The following GRIK2 variants were observed in gnomAD, a reference collection of about 807,000 sequenced individuals.
GRIK2 encodes the protein glutamate ionotropic receptor kainate type subunit 2.
In GRIK2, 32 loss-of-function variants were observed where a neutral mutation model predicts 100.3. That is an observed-to-expected ratio of 0.32 (90% CI 0.24 to 0.43). GRIK2 has a LOEUF of 0.43. Ranked by LOEUF, GRIK2 falls within the 20% of genes least tolerant of loss-of-function variation. The pLI, the probability that GRIK2 is intolerant of heterozygous loss-of-function variation, is 1.00. For missense variants in GRIK2, 843 were observed against 1,114.9 expected (o/e 0.76, Z 3.47); for synonymous variants, 417 against 389.4 (o/e 1.07, Z -0.83).
At chr6:101,460,382 C>T (rs1771242048) in intron 2 of GRIK2, among the ~76,000 whole-genome samples, 1 of 152,138 alleles carries the variant, frequency 6.6e-6, no homozygotes, top group South Asian at 2.1e-4. Context: ...TATATAGATA[C>T]TAGGTGTTAT....
At chr6:101,860,510 TG>T (rs1784674386) in intron 11 of GRIK2, among the ~76,000 whole-genome samples, 1 of 152,126 alleles carries the variant, frequency 6.6e-6, no homozygotes, top group Admixed American at 6.5e-5. Flanking sequence ...GGTGTGAGGG[TG>T]GAGTTTTCAG....
chr6:101,581,443 T>C (rs990192973), intron 2 of GRIK2, among the ~76,000 whole-genome samples: 12 of 152,052 alleles, frequency 7.9e-5, no homozygotes, highest in African/African-American at 2.9e-4. Flanking sequence ...TGGTGTCCAG[T>C]GTTTGAGGAC....
intron 2 of GRIK2, among the ~76,000 whole-genome samples, chr6:101,446,707 A>C (rs1582469455): frequency 6.6e-6 from 1 of 151,816 alleles, no homozygotes; most frequent in African/African-American, 2.4e-5. Context: ...ATTGAAAAAT[A>C]TATTTTCAAT....
chr6:101,586,326 A>C (rs979193128), intron 2 of GRIK2, among the ~76,000 whole-genome samples: 2 of 152,086 alleles, frequency 1.3e-5, no homozygotes, highest in African/African-American at 4.8e-5. Flanking sequence ...TAAAAATTCA[A>C]AGTTTGTTTT....
chr6:101,547,550 A>G (rs1209774919), intron 2 of GRIK2, among the ~76,000 whole-genome samples: 2 of 152,092 alleles, frequency 1.3e-5, no homozygotes, highest in Non-Finnish European at 2.9e-5. Flanking sequence ...ATTTCCACCT[A>G]TGAGTGAGAA....
At chr6:101,429,933 A>G (rs531868354) in intron 2 of GRIK2, among the ~76,000 whole-genome samples, 15 of 152,316 alleles carry the variant, frequency 9.8e-5, no homozygotes, top group Non-Finnish European at 1.5e-4. Context: ...GCAGGAAAAC[A>G]CCAGGTAAGA....
At chr6:101,808,747 T>C (rs1281071068) in intron 9 of GRIK2, among the ~76,000 whole-genome samples, 1 of 151,896 alleles carries the variant, frequency 6.6e-6, no homozygotes, top group African/African-American at 2.4e-5. Context: ...TGTATTAATA[T>C]TATATTAACT....
rs1469589844 is a variant in GRIK2 at position 101,963,385 on chromosome 6, C to T, written c.2085+34753C>T. Among the ~76,000 whole-genome samples, 4 of 129,572 alleles carry T rather than the reference C, an allele frequency of 3.1e-5. No individual in the cohort carries two copies. In the South Asian group the frequency reaches 7.6e-4, roughly 25 times the overall value. The allele number at this position is 129,572 out of a possible 152,430, so 85.0% of individuals were successfully genotyped here. ...CCATCTCAGCTTACTGCAAGCTCTG[C>T]TTCCTGGGTTCATGCCATTCTCCTG... On this transcript the variant is annotated intron_variant, in intron 14 of 16. Coordinates refer to ENST00000369134, the MANE Select transcript of GRIK2 (RefSeq NM_021956.5).
At chr6:101,860,564 T>A (rs1280484731) in intron 11 of GRIK2, among the ~76,000 whole-genome samples, 1 of 152,154 alleles carries the variant, frequency 6.6e-6, no homozygotes, top group Non-Finnish European at 1.5e-5. Flanking sequence ...TGAAAATCCT[T>A]ACTAAGCATT....
chr6:102,068,963 G>C lies in GRIK2; in HGVS notation c.*452G>C, dbSNP rs1772144698. The C allele has an allele frequency of 6.5e-6, 1 of 154,854 alleles. No individual in the cohort carries two copies. The highest frequency in any genetic ancestry group is 2.4e-5 in the African/African-American group (1 of 41,404). The allele number at this position is 154,854 out of a possible 1,614,324, so 9.6% of individuals were successfully genotyped here. On this transcript the variant is annotated 3_prime_UTR_variant, in exon 17 of 17. Coordinates refer to ENST00000369134, the MANE Select transcript of GRIK2 (RefSeq NM_021956.5). ...AACAGTACAGTCTTCTGAACACCCA[G>C]ATCATAGAGGTGATGATGTTACTAG...
intron 7 of GRIK2, among the ~76,000 whole-genome samples, chr6:101,788,235 T>A (rs1472581280): frequency 4.6e-5 from 7 of 151,520 alleles, no homozygotes; most frequent in Admixed American, 2.6e-4. Context: ...ATACTTTAAG[T>A]TTTAGGGTAC....
intron 9 of GRIK2, among the ~76,000 whole-genome samples, chr6:101,809,422 T>G (rs1226809432): frequency 6.6e-6 from 1 of 152,042 alleles, no homozygotes; most frequent in African/African-American, 2.4e-5. Context: ...TCATTAAACT[T>G]CATATGAAAA....
chr6:101,858,082 A>G (rs1346698431), intron 10 of GRIK2, among the ~76,000 whole-genome samples: 2 of 152,202 alleles, frequency 1.3e-5, no homozygotes, highest in African/African-American at 4.8e-5. Context: ...CTCTGAAAAG[A>G]CTTTCAGGAA....
chr6:101,695,073 G>A (rs116733439), intron 7 of GRIK2, among the ~76,000 whole-genome samples: 28 of 151,178 alleles, frequency 1.9e-4, no homozygotes, highest in South Asian at 1.7e-3. Context: ...ATCTTAATAC[G>A]TTTGTGCTGC....
In GRIK2 at chr6:102,063,240, A is replaced by G. The variant is rs367641872; in HGVS notation, c.2563-5107A>G. On this transcript the variant is annotated intron_variant, in intron 16 of 16. Coordinates refer to ENST00000369134, the MANE Select transcript of GRIK2 (RefSeq NM_021956.5). ...GAAATTGTATGTAGAAATGGTTAGG[A>G]ATTATTCTGAATGAATACTAAAATA... Among the ~76,000 whole-genome samples the G allele has an allele frequency of 5.3e-5, 8 of 150,798 alleles. No individual in the cohort carries two copies. The East Asian group carries it at 1.6e-3, about 29-fold the overall frequency.
At chr6:101,991,915 T>C (rs930577495) in intron 14 of GRIK2, among the ~76,000 whole-genome samples, 3 of 151,508 alleles carry the variant, frequency 2.0e-5, no homozygotes, top group African/African-American at 7.3e-5. Flanking sequence ...CCTGGAAATA[T>C]TTGTACATGT....
Position 102,035,344 on chromosome 6 carries a change from TC to T in GRIK2, c.2090del (p.Ser697Ter). The T allele has an allele frequency of 6.3e-7, 1 of 1,581,254 alleles. No homozygotes were observed. Among genetic ancestry groups the T allele is most frequent in the Non-Finnish European group, 8.7e-7 (1 of 1,153,978 alleles). On this transcript the variant is annotated frameshift_variant, in exon 15 of 17. Coordinates refer to ENST00000369134, the MANE Select transcript of GRIK2 (RefSeq NM_021956.5). LOFTEE classifies it high-confidence loss of function. ...AACTTATATTTATTTTCTTCAGAAA[TC>T]AAAAATCTCCACGTATGACAAAATG... ...DGATMTFFKK[S>X]KISTYDKMWA... is the part of the protein sequence containing the mutation.
chr6:102,036,288 G>T (rs1183530282), intron 15 of GRIK2, among the ~76,000 whole-genome samples: 1 of 150,814 alleles, frequency 6.6e-6, no homozygotes, highest in Non-Finnish European at 1.5e-5. Flanking sequence ...TACAGTACAT[G>T]TGTACATGTA....
intron 16 of GRIK2, among the ~76,000 whole-genome samples, chr6:102,060,089 A>G (rs1348619311): frequency 6.6e-6 from 1 of 150,724 alleles, no homozygotes; most frequent in Non-Finnish European, 1.5e-5. Flanking sequence ...GTTGTCTTTA[A>G]AATGGTTAAA....
Sources: gnomAD v4.1 joint callset for allele counts (sites outside exome capture counted in the v4.1 genomes callset) on GRCh38, gnomAD v4.1.1 for gene constraint, MANE v1.5 for transcripts, NCBI Gene and HGNC (gene_info 2026-07-23, HGNC 2026-07-21) for gene names.